CFI: variants seen among roughly 807,000 people sequenced by gnomAD.
CFI encodes the protein C3B/C4B inactivator.
A neutral mutation model predicts 78.8 loss-of-function variants in CFI; 66 were observed. The ratio of observed to expected loss-of-function variants is 0.84; its 90% confidence interval spans 0.69 to 1.03. The LOEUF (loss-of-function observed/expected upper bound fraction) is 1.03, where lower values mean the gene tolerates loss of function less well. CFI is among the 50% of genes least tolerant of loss of function. The pLI, the probability that CFI is intolerant of heterozygous loss-of-function variation, is 0.00. For missense variants in CFI, 706 were observed against 704.5 expected, an observed-to-expected ratio of 1.00 and a Z score of -0.02; for synonymous variants, 250 against 232.6, an observed-to-expected ratio of 1.07 and a Z score of -0.68.
At chr4:109,778,549 G>A (rs1233345085) in intron 1 of CFI, among the ~76,000 whole-genome samples, 14 of 152,102 alleles carry the variant, frequency 9.2e-5, no homozygotes, top group Admixed American at 7.9e-4. Context: ...TTCTACCAGA[G>A]GTACAAAGAA....
downstream of CFI, among the ~76,000 whole-genome samples, chr4:109,740,302 G>A (rs914305647): frequency 1.3e-5 from 2 of 150,964 alleles, no homozygotes; most frequent in African/African-American, 2.4e-5. Flanking sequence ...AAAAAAGAAA[G>A]AGAGAAAGAG....
At chr4:109,735,124 G>A in the CFI span, among the ~76,000 whole-genome samples, 1 of 152,196 alleles carries the variant, frequency 6.6e-6, no homozygotes, top group African/African-American at 2.4e-5. Flanking sequence ...GCTAATTTTT[G>A]TTATTGTTAT....
intron 1 of CFI, among the ~76,000 whole-genome samples, chr4:109,768,639 T>C (rs1273741114): frequency 6.6e-6 from 1 of 152,210 alleles, no homozygotes; most frequent in Non-Finnish European, 1.5e-5. Context: ...AAGCCAATGC[T>C]GTCTCCCTGT....
chr4:109,761,434 A>G, intron 4 of CFI, 83 bp downstream of exon 4: 1 of 1,321,862 alleles, frequency 7.6e-7, no homozygotes. Flanking sequence ...GCAACGAGGC[A>G]TCAATCATTT....
chr4:109,768,334 T>TAAAAA (rs756365540), intron 1 of CFI, among the ~76,000 whole-genome samples: 4 of 63,180 alleles, frequency 6.3e-5, no homozygotes, highest in Non-Finnish European at 8.8e-5. Context: ...GAAGAAATCC[T>TAAAAA]AAAAAAAAAA....
At chr4:109,799,197 T>C (rs1732444023) in intron 1 of CFI, among the ~76,000 whole-genome samples, 2 of 152,184 alleles carry the variant, frequency 1.3e-5, no homozygotes, top group South Asian at 4.1e-4. Flanking sequence ...TCCCCATGCT[T>C]TGGTGCTCTG....
the CFI span, among the ~76,000 whole-genome samples, chr4:109,734,952 CTTTCT>C: frequency 6.6e-6 from 1 of 152,012 alleles, no homozygotes; most frequent in Non-Finnish European, 1.5e-5. Context: ...CCAAGACTGG[CTTTCT>C]TTTCTTTTCT....
intron 7 of CFI, 150 bp downstream of exon 7, chr4:109,757,613 G>T (rs1180305045): frequency 3.6e-6 from 2 of 560,800 alleles, no homozygotes; most frequent in South Asian, 2.1e-5. Context: ...CTGAGAAAAG[G>T]CCTCTACGCC....
chr4:109,798,666 C>T (rs1270634213), intron 1 of CFI, among the ~76,000 whole-genome samples: 2 of 151,782 alleles, frequency 1.3e-5, no homozygotes, highest in African/African-American at 4.8e-5. Context: ...TTGGTTGACA[C>T]TTTGACTCTT....
chr4:109,749,072 A>G, intron 10 of CFI, 146 bp downstream of exon 10: 1 of 814,958 alleles, frequency 1.2e-6, no homozygotes, highest in South Asian at 1.4e-5. Context: ...CTGGAATTCC[A>G]GTCGCGAATA....
chr4:109,763,971 T>A (rs1439174635), intron 3 of CFI, among the ~76,000 whole-genome samples: 1 of 148,746 alleles, frequency 6.7e-6, no homozygotes, highest in Non-Finnish European at 1.5e-5. Context: ...ATATCACTTA[T>A]ATATAAGTAT....
downstream of CFI, among the ~76,000 whole-genome samples, chr4:109,739,616 TA>T (rs1364579579): frequency 1.3e-5 from 2 of 152,158 alleles, no homozygotes; most frequent in Non-Finnish European, 2.9e-5. Context: ...GAAATGTTAC[TA>T]GATATTCACA....
At chr4:109,741,325 G>A (rs1723768424) in intron 12 of CFI, 2 of 985,384 alleles carry the variant, frequency 2.0e-6, no homozygotes, top group Non-Finnish European at 2.4e-6. Context: ...CCCCAATTCA[G>A]CATGTTCTTC....
At chr4:109,786,448 C>T (rs1218293815) in intron 1 of CFI, among the ~76,000 whole-genome samples, 2 of 152,038 alleles carry the variant, frequency 1.3e-5, no homozygotes, top group East Asian at 3.9e-4. Context: ...TTCATTAGAA[C>T]ACAAACAAGA....
chr4:109,750,235 G>C (rs1162848493), intron 8 of CFI, among the ~76,000 whole-genome samples: 1 of 151,882 alleles, frequency 6.6e-6, no homozygotes, highest in Non-Finnish European at 1.5e-5. Flanking sequence ...GACCTAATGT[G>C]ATCTGCCCAC....
intron 7 of CFI, 21 bp from the exon 8 acceptor site, chr4:109,752,524 C>A: frequency 6.2e-7 from 1 of 1,600,530 alleles, no homozygotes; most frequent in Non-Finnish European, 8.6e-7. Context: ...ACAAAAGATT[C>A]CAATGTTTAA....
At chr4:109,753,048 T>TAA (rs1725392224) in intron 7 of CFI, among the ~76,000 whole-genome samples, 1 of 23,854 alleles carries the variant, frequency 4.2e-5, no homozygotes. Flanking sequence ...TATATATTTA[T>TAA]TATATATTTA....
intron 4 of CFI, 35 bp downstream of exon 4, chr4:109,761,482 A>G: frequency 6.2e-7 from 1 of 1,605,178 alleles, no homozygotes; most frequent in Non-Finnish European, 8.5e-7. Flanking sequence ...ACAACCTTCA[A>G]GGAAGGGAAA....
chr4:109,769,707 A>G (rs1728315549), intron 1 of CFI, among the ~76,000 whole-genome samples: 6 of 152,108 alleles, frequency 3.9e-5, no homozygotes. Flanking sequence ...CCAGTATCCA[A>G]CAGTACTAGC....
Sources: allele counts gnomAD v4.1 joint callset (sites outside exome capture counted in the v4.1 genomes callset), GRCh38; gene constraint gnomAD v4.1.1; transcripts MANE v1.5; gene names NCBI Gene and HGNC (gene_info 2026-07-23, HGNC 2026-07-21).